ST7: variants seen among roughly 807,000 people sequenced by gnomAD.
ST7 encodes suppression of tumorigenicity 7.
Under a neutral mutation model 78.7 loss-of-function variants are expected in ST7, and 28 were observed. That is an observed-to-expected ratio of 0.36 (90% CI 0.26 to 0.49). The LOEUF (loss-of-function observed/expected upper bound fraction) is 0.49. Among genes scored for constraint, ST7 ranks in the 20% least tolerant of loss-of-function variants. The pLI is 0.99. For synonymous variants in ST7, 247 were observed against 249.6 expected (o/e 0.99, Z 0.10); for missense variants, 418 against 696.0 (o/e 0.60, Z 4.49).
intron 1 of ST7, 52 bp from the exon 2 acceptor site, chr7:117,099,710 C>A: frequency 7.6e-7 from 1 of 1,321,162 alleles, no homozygotes; most frequent in Admixed American, 1.9e-5. Context: ...GTTTTACTGA[C>A]ATACTCATAC....
intron 1 of ST7, among the ~76,000 whole-genome samples, chr7:117,035,367 T>G (rs1796832498): frequency 6.6e-6 from 1 of 152,220 alleles, no homozygotes; most frequent in African/African-American, 2.4e-5. Context: ...CCTGAAATTG[T>G]GCATTGATTT....
At chr7:117,050,897 T>A (rs1335036294) in intron 1 of ST7, among the ~76,000 whole-genome samples, 1 of 144,302 alleles carries the variant, frequency 6.9e-6, no homozygotes, top group Non-Finnish European at 1.5e-5. Flanking sequence ...GCATCTGCAC[T>A]CCAGCCTGGC....
intron 1 of ST7, among the ~76,000 whole-genome samples, chr7:117,023,904 G>C (rs1796056710): frequency 6.6e-6 from 1 of 151,946 alleles, no homozygotes. Flanking sequence ...CTGCCTCCTG[G>C]GTTCAAGTGA....
chr7:116,986,130 G>A (rs1461620607), intron 1 of ST7, among the ~76,000 whole-genome samples: 2 of 152,266 alleles, frequency 1.3e-5, no homozygotes, highest in Non-Finnish European at 2.9e-5. Flanking sequence ...ACCACGCCCA[G>A]CGTGATAATT....
intron 2 of ST7, 89 bp from the exon 3 acceptor site, chr7:117,119,472 A>G: frequency 8.2e-7 from 1 of 1,225,274 alleles, no homozygotes; most frequent in Non-Finnish European, 1.1e-6. Flanking sequence ...TTAAGGTGGA[A>G]TTAGTAAATG....
In ST7 at chr7:117,134,177, TAA is replaced by T; in HGVS notation, c.698_699del (p.Lys233IlefsTer14). On this transcript the variant is annotated frameshift_variant, in exon 7 of 16. Coordinates refer to ENST00000323984, the MANE Select transcript of ST7 (RefSeq NM_001369598.1). LOFTEE classifies it high-confidence loss of function. ...ATTGCTTCCTCTACCATCTGGGAGA[TAA>T]AATTGTTACCAAAGTAAGTCAAGAA... 1 of 1,612,008 alleles carries T rather than the reference TAA, an allele frequency of 6.2e-7. No individual in the cohort carries two copies. Among genetic ancestry groups the T allele is most frequent in the Non-Finnish European group, 8.5e-7 (1 of 1,178,746 alleles).
intron 10 of ST7, among the ~76,000 whole-genome samples, chr7:117,179,703 T>TG (rs1307356285): frequency 2.2e-5 from 2 of 91,030 alleles, no homozygotes; most frequent in African/African-American, 8.5e-5. Flanking sequence ...GCTGGGGGTG[T>TG]GGGGGGGTAG....
chr7:117,071,011 A>T (rs928687956), intron 1 of ST7, among the ~76,000 whole-genome samples: 1 of 152,032 alleles, frequency 6.6e-6, no homozygotes, highest in African/African-American at 2.4e-5. Context: ...TGAGGTCAGG[A>T]GATCGAGACC....
At chr7:116,991,838 G>A (rs556324255) in intron 1 of ST7, among the ~76,000 whole-genome samples, 24 of 152,298 alleles carry the variant, frequency 1.6e-4, no homozygotes, top group African/African-American at 5.1e-4. Flanking sequence ...TCAAAAGCAA[G>A]CTAATTACGT....
At chr7:117,208,082 A>G (rs766599219) in intron 12 of ST7, among the ~76,000 whole-genome samples, 10 of 152,268 alleles carry the variant, frequency 6.6e-5, no homozygotes, top group African/African-American at 1.9e-4. Flanking sequence ...TAATATAAAT[A>G]TAATTATTTA....
intron 15 of ST7, among the ~76,000 whole-genome samples, chr7:117,226,904 G>A (rs1176835166): frequency 2.0e-5 from 3 of 152,282 alleles, no homozygotes; most frequent in African/African-American, 4.8e-5. Context: ...TTGGGGCTTC[G>A]TATTCTTGTG....
intron 1 of ST7, among the ~76,000 whole-genome samples, chr7:117,081,338 T>C (rs1156854073): frequency 1.3e-5 from 2 of 152,168 alleles, no homozygotes; most frequent in Non-Finnish European, 2.9e-5. Context: ...GCATGGCAGG[T>C]CTGAATGCTT....
In ST7 at chr7:117,219,161, C is replaced by T. The variant is rs200135841; in HGVS notation, c.1483C>T (p.Arg495Ter). 5 of 1,612,388 alleles carry T rather than the reference C, an allele frequency of 3.1e-6. No individual in the cohort carries two copies. The highest frequency in any genetic ancestry group is 1.3e-5 in the African/African-American group (1 of 74,758). ...PYPICTETAD[R>*]ELLPSFHEVS... is the part of the protein sequence containing the mutation. Reference sequence around the variant, plus strand: ...CCCAATCTGTACAGAAACAGCAGACCGAGAGCTGCTTCCATGTAAGTCTCA... The same window carrying T: ...CCCAATCTGTACAGAAACAGCAGACTGAGAGCTGCTTCCATGTAAGTCTCA... The change falls in exon 14 of 16, where the codon CGA becomes TGA. Residue 495 changes from arginine (R) to a stop codon, truncating the protein, a stop_gained. Transcript: ENST00000323984. LOFTEE classifies it high-confidence loss of function. The surrounding 1 kb of genome is among the most constrained non-coding windows in gnomAD (Gnocchi z 5.1).
At chr7:117,110,216 A>G (rs2116876416) in intron 2 of ST7, among the ~76,000 whole-genome samples, 1 of 152,352 alleles carries the variant, frequency 6.6e-6, no homozygotes, top group South Asian at 2.1e-4. Context: ...CATCTTGGAA[A>G]TATTTTTAAG....
At chr7:116,972,052 A>T in intron 1 of ST7, 1 of 474,138 alleles carries the variant, frequency 2.1e-6, no homozygotes, top group Non-Finnish European at 4.1e-6. Context: ...AAAAGCGGAA[A>T]GCAGCCTTCC....
At chr7:117,083,516 C>T (rs1208920724) in intron 1 of ST7, among the ~76,000 whole-genome samples, 1 of 152,066 alleles carries the variant, frequency 6.6e-6, no homozygotes, top group South Asian at 2.1e-4. Context: ...ACCTCAGCCT[C>T]CTAAACTGCT....
At chr7:117,176,941 G>T (rs1808383692) in intron 10 of ST7, among the ~76,000 whole-genome samples, 1 of 152,132 alleles carries the variant, frequency 6.6e-6, no homozygotes, top group Admixed American at 6.6e-5. Flanking sequence ...TCATTTCCCT[G>T]GGCTCGCTGT....
chr7:116,965,627 T>A (rs1793071617), intron 1 of ST7, among the ~76,000 whole-genome samples: 1 of 152,236 alleles, frequency 6.6e-6, no homozygotes, highest in South Asian at 2.1e-4. Flanking sequence ...CACTGTTTTT[T>A]AATTGCTTAT....
chr7:117,079,152 CTAAACAA>C (rs1322534664), intron 1 of ST7, among the ~76,000 whole-genome samples: 1 of 152,038 alleles, frequency 6.6e-6, no homozygotes, highest in African/African-American at 2.4e-5. Context: ...TCATTACTCC[CTAAACAA>C]TAGAGTAAAA....
Sources: gnomAD v4.1 joint callset for allele counts (sites outside exome capture counted in the v4.1 genomes callset) on GRCh38, gnomAD v4.1.1 for gene constraint, Gnocchi (gnomAD v3.1) non-coding constraint, MANE v1.5 for transcripts, NCBI Gene and HGNC (gene_info 2026-07-23, HGNC 2026-07-21) for gene names.